Variants in APP observed in about 807,000 individuals in gnomAD.
APP encodes the protein amyloid beta precursor protein.
Under a neutral mutation model 101.4 loss-of-function variants are expected in APP, and 31 were observed. The observed-to-expected ratio is 0.31, with a 90% CI of 0.23 to 0.41. APP has a LOEUF of 0.41. APP is among the 10% of genes least tolerant of loss of function. The pLI is 1.00. For synonymous variants in APP, 366 were observed against 364.4 expected, an observed-to-expected ratio of 1.00 and a Z score of -0.05; for missense variants, 839 against 1,003.7, an observed-to-expected ratio of 0.84 and a Z score of 2.22.
At chr21:26,073,159 A>C (rs2061438888) in intron 3 of APP, among the ~76,000 whole-genome samples, 1 of 152,194 alleles carries the variant, frequency 6.6e-6, no homozygotes, top group South Asian at 2.1e-4. Flanking sequence ...GAGAAAATGG[A>C]CAACCCCAGG....
At chr21:26,011,224 C>T (rs2043793077) in intron 6 of APP, among the ~76,000 whole-genome samples, 1 of 151,978 alleles carries the variant, frequency 6.6e-6, no homozygotes, top group Admixed American at 6.6e-5. Context: ...TATAGGCACC[C>T]ATCATCATGC....
chr21:26,014,963 T>C (rs2043988509), intron 6 of APP, among the ~76,000 whole-genome samples: 1 of 152,340 alleles, frequency 6.6e-6, no homozygotes, highest in South Asian at 2.1e-4. Flanking sequence ...AACTCTATCT[T>C]GAAATGCAGT....
chr21:25,903,244 C>A (rs1952095121), intron 15 of APP, among the ~76,000 whole-genome samples: 1 of 151,476 alleles, frequency 6.6e-6, no homozygotes, highest in Admixed American at 6.6e-5. Flanking sequence ...TGGGGCGCAT[C>A]TGTAGTCCCA....
Position 26,058,488 on chromosome 21 carries a change from G to A in APP, c.356-5140C>T, listed in dbSNP as rs541867002. On this transcript the variant is annotated intron_variant, in intron 3 of 17. Coordinates refer to ENST00000346798, the MANE Select transcript of APP (RefSeq NM_000484.4). ...AGGCTCCCACACTATGGAATTTAAAGTATATTTTTCGATTTCTTTATGTTG... is the reference window on the plus strand; with the variant it reads ...AGGCTCCCACACTATGGAATTTAAAATATATTTTTCGATTTCTTTATGTTG... Among the ~76,000 whole-genome samples, 19 of 152,334 alleles carry A rather than the reference G, an allele frequency of 1.2e-4. 1 individual carries two copies. Among genetic ancestry groups the A allele is most frequent in the Non-Finnish European group, 5.9e-5 (4 of 68,026 alleles).
At chr21:26,140,766 T>C (rs1199484871) in intron 1 of APP, among the ~76,000 whole-genome samples, 2 of 152,258 alleles carry the variant, frequency 1.3e-5, no homozygotes, top group South Asian at 2.1e-4. Flanking sequence ...GGAGTTTTGG[T>C]ACTAGTGTTA....
At chr21:25,941,248 G>T (rs1178603035) in intron 13 of APP, 1 of 152,200 alleles carries the variant, frequency 6.6e-6, no homozygotes, top group African/African-American at 2.4e-5. Flanking sequence ...CAGCCTGGCT[G>T]GCAAAGTCAG....
chr21:26,023,375 A>G (rs1463331098), intron 5 of APP, among the ~76,000 whole-genome samples: 1 of 144,222 alleles, frequency 6.9e-6, no homozygotes, highest in Non-Finnish European at 1.5e-5. Flanking sequence ...AAAAAAATTA[A>G]AAAAAAAAAA....
intron 16 of APP, among the ~76,000 whole-genome samples, chr21:25,892,964 A>AAAC (rs10686802): frequency 0.8 from 121,254 of 151,284 alleles, 48,713 homozygotes; most frequent in African/African-American, 0.85. Context: ...AAAAAAAACA[A>AAAC]AAAGGTTTCT....
At chr21:26,093,561 G>A (rs1031694152) in intron 2 of APP, among the ~76,000 whole-genome samples, 5 of 152,124 alleles carry the variant, frequency 3.3e-5, no homozygotes, top group Non-Finnish European at 7.3e-5. Flanking sequence ...GTAATAGTTG[G>A]TGCAACAGGG....
At chr21:26,092,358 C>T (rs548312137) in intron 2 of APP, among the ~76,000 whole-genome samples, 5 of 152,164 alleles carry the variant, frequency 3.3e-5, no homozygotes, top group African/African-American at 1.2e-4. Context: ...GGGCTATGAA[C>T]CCATGAAAAG....
intron 6 of APP, among the ~76,000 whole-genome samples, chr21:26,005,664 C>T (rs2043499624): frequency 6.6e-6 from 1 of 152,182 alleles, no homozygotes; most frequent in African/African-American, 2.4e-5. Flanking sequence ...CATCTAGTTT[C>T]ATGGAAGATA....
intron 1 of APP, among the ~76,000 whole-genome samples, chr21:26,167,531 A>G (rs2063643900): frequency 6.6e-6 from 1 of 152,254 alleles, no homozygotes; most frequent in Admixed American, 6.5e-5. Flanking sequence ...GCTTATTTCC[A>G]GAATGACTGA....
At chr21:26,068,841 C>T (rs1262651513) in intron 3 of APP, among the ~76,000 whole-genome samples, 1 of 152,228 alleles carries the variant, frequency 6.6e-6, no homozygotes, top group Non-Finnish European at 1.5e-5. Flanking sequence ...TAAGGGTCAA[C>T]AGCCTCCTCC....
intron 1 of APP, among the ~76,000 whole-genome samples, chr21:26,133,560 T>C (rs983527850): frequency 6.6e-6 from 1 of 151,662 alleles, no homozygotes; most frequent in African/African-American, 2.4e-5. Context: ...CCGAGGCGGG[T>C]GGGATCATGA....
chr21:26,055,714 G>C (rs996881906), intron 3 of APP, among the ~76,000 whole-genome samples: 2 of 152,160 alleles, frequency 1.3e-5, no homozygotes, highest in East Asian at 1.9e-4. Flanking sequence ...AAGAAGTGAT[G>C]CTTTTCTATT....
chr21:25,890,411 A>G (rs1188535905), intron 17 of APP, among the ~76,000 whole-genome samples: 2 of 152,208 alleles, frequency 1.3e-5, no homozygotes, highest in Admixed American at 6.5e-5. Flanking sequence ...TGGAATCTTC[A>G]ACTCCCTAGA....
chr21:25,951,282 T>A (rs2041064012), intron 13 of APP, among the ~76,000 whole-genome samples: 1 of 152,188 alleles, frequency 6.6e-6, no homozygotes, highest in Admixed American at 6.5e-5. Context: ...TTTTCACCCA[T>A]AAAAGAGAAT....
chr21:25,941,615 T>C (rs1263979223), intron 13 of APP: 1 of 152,342 alleles, frequency 6.6e-6, no homozygotes, highest in Non-Finnish European at 1.5e-5. Context: ...TAGCTGGGAT[T>C]ATAGGCATGT....
At chr21:26,019,001 A>C (rs2044218235) in intron 6 of APP, among the ~76,000 whole-genome samples, 1 of 152,214 alleles carries the variant, frequency 6.6e-6, no homozygotes, top group Non-Finnish European at 1.5e-5. Flanking sequence ...CGATAATGAG[A>C]CCAATTTATC....
Sources: gnomAD v4.1 joint callset for allele counts (sites outside exome capture counted in the v4.1 genomes callset) on GRCh38, gnomAD v4.1.1 for gene constraint, MANE v1.5 for transcripts, NCBI Gene and HGNC (gene_info 2026-07-23, HGNC 2026-07-21) for gene names.